Variants in SESTD1 observed in about 807,000 individuals in gnomAD.
SESTD1 encodes SEC14 and spectrin domain containing 1, also known as SEC14 domain and spectrin repeat-containing protein 1.
SESTD1 carries 43 observed loss-of-function variants against 101.7 expected under a neutral mutation model. That is an observed-to-expected ratio of 0.42 (90% CI 0.33 to 0.55). SESTD1 has a LOEUF of 0.55. Among genes scored for constraint, SESTD1 ranks in the 20% least tolerant of loss-of-function variants. SESTD1 has a pLI of 0.07. For missense variants in SESTD1, 647 were observed against 815.1 expected, an observed-to-expected ratio of 0.79 and a Z score of 2.51; for synonymous variants, 283 against 286.8, an observed-to-expected ratio of 0.99 and a Z score of 0.13.
chr2:179,146,891 C>T (rs886452378), intron 7 of SESTD1, among the ~76,000 whole-genome samples: 8 of 143,478 alleles, frequency 5.6e-5, no homozygotes, highest in African/African-American at 5.5e-5. Context: ...AATATTCTGT[C>T]TTATATTCCA....
chr2:179,166,672 A>G (rs1298771788), intron 5 of SESTD1, among the ~76,000 whole-genome samples: 1 of 152,192 alleles, frequency 6.6e-6, no homozygotes, highest in Non-Finnish European at 1.5e-5. Context: ...CTGAGAGTCA[A>G]CTGTATACAG....
At chr2:179,185,830 TAATATATAATATAGCATGTAC>T (rs1559134497) in intron 2 of SESTD1, among the ~76,000 whole-genome samples, 13 of 128,258 alleles carry the variant, frequency 1.0e-4, no homozygotes, top group Admixed American at 1.7e-4. Flanking sequence ...ATATTATATA[TAATATATAATATAGCATGTAC>T]AATATAGTAT....
intron 1 of SESTD1, among the ~76,000 whole-genome samples, chr2:179,253,869 A>C (rs1450622282): frequency 6.6e-6 from 1 of 152,052 alleles, no homozygotes; most frequent in Admixed American, 6.6e-5. Context: ...AGGCTGAAGC[A>C]AGCGGATCTG....
intron 10 of SESTD1, among the ~76,000 whole-genome samples, chr2:179,129,257 G>A (rs760630008): frequency 9.9e-5 from 15 of 152,144 alleles, no homozygotes; most frequent in Non-Finnish European, 1.6e-4. Flanking sequence ...TATGCTCCTC[G>A]ATGTTCCTAT....
chr2:179,115,639 C>T (rs1198560420), intron 15 of SESTD1, among the ~76,000 whole-genome samples: 1 of 151,930 alleles, frequency 6.6e-6, no homozygotes, highest in Admixed American at 6.6e-5. Context: ...TCCTAGCTAC[C>T]TTGGAGGCTG....
chr2:179,194,499 A>G lies in SESTD1; in HGVS notation c.-25-2633T>C, dbSNP rs535704513. Among the ~76,000 whole-genome samples the G allele has an allele frequency of 2.6e-5, 4 of 152,238 alleles. No homozygotes were observed. The South Asian group carries it at 8.3e-4, about 32-fold the overall frequency. On this transcript the variant is annotated intron_variant, in intron 1 of 17. Transcript: ENST00000428443. ...CTCTACCTCACTTGGCAGGACATGT[A>G]TATTATTTTTTACCACATATTGCAC...
chr2:179,216,412 C>A (rs2046721576), intron 1 of SESTD1, among the ~76,000 whole-genome samples: 1 of 134,642 alleles, frequency 7.4e-6, no homozygotes, highest in African/African-American at 3.0e-5. Flanking sequence ...ACCTAGGAAT[C>A]CAACTTACAA....
intron 13 of SESTD1, among the ~76,000 whole-genome samples, chr2:179,121,192 T>C (rs938566786): frequency 6.6e-6 from 1 of 152,230 alleles, no homozygotes; most frequent in African/African-American, 2.4e-5. Context: ...CATATAACCA[T>C]GCTAGATTGT....
intron 1 of SESTD1, among the ~76,000 whole-genome samples, chr2:179,217,650 A>T: frequency 6.6e-6 from 1 of 152,336 alleles, no homozygotes; most frequent in East Asian, 1.9e-4. Context: ...AAAGGATTAT[A>T]AATCATGGTA....
chr2:179,254,085 G>C (rs1417917048), intron 1 of SESTD1, among the ~76,000 whole-genome samples: 1 of 151,596 alleles, frequency 6.6e-6, no homozygotes, highest in Admixed American at 6.6e-5. Context: ...GGGTGGCAGA[G>C]TGAGACCTTG....
rs59103658 is a variant in SESTD1 at position 179,245,515 on chromosome 2, C to CAAAAA, written c.-26+18979_-26+18983dup. Among the ~76,000 whole-genome samples, 16 of 45,194 alleles carry CAAAAA rather than the reference C, an allele frequency of 3.5e-4. 2 individuals carry two copies. The highest frequency in any genetic ancestry group is 8.8e-4 in the African/African-American group (13 of 14,792). 29.6% of individuals were successfully genotyped at this position (45,194 alleles called of 152,430 possible). ...TGGGCGACAGAGTGAGACTCTGTCT[C>CAAAAA]AAAAAAAAAAAAAAAAAAAAAAAAA... On this transcript the variant is annotated intron_variant, in intron 1 of 17. Coordinates refer to ENST00000428443, the MANE Select transcript of SESTD1 (RefSeq NM_178123.5).
chr2:179,229,269 C>G (rs2046939311), intron 1 of SESTD1, among the ~76,000 whole-genome samples: 1 of 152,134 alleles, frequency 6.6e-6, no homozygotes, highest in South Asian at 2.1e-4. Context: ...AAGTGAGCAT[C>G]ATTCAACTTG....
At chr2:179,187,179 A>C (rs900169099) in intron 2 of SESTD1, among the ~76,000 whole-genome samples, 7 of 152,214 alleles carry the variant, frequency 4.6e-5, no homozygotes, top group African/African-American at 1.7e-4. Flanking sequence ...TACATAGCCC[A>C]CAGACCCTAT....
chr2:179,201,792 AG>A (rs2046519975), intron 1 of SESTD1, among the ~76,000 whole-genome samples: 1 of 126,038 alleles, frequency 7.9e-6, no homozygotes, highest in Non-Finnish European at 1.7e-5. Context: ...GGTAGGGGGG[AG>A]GGATAGCATT....
rs781714404 is a variant in SESTD1 at position 179,146,397 on chromosome 2, CT to C, written c.637+4del. On this transcript the variant is annotated splice_donor_region_variant and intron_variant, in intron 8 of 17. Transcript: ENST00000428443. ...TTATTATCACAAATATTTTTTAAATCTTACCTGTCTGAAGAACTGTTTCAGG... is the reference window on the plus strand; with the variant it reads ...TTATTATCACAAATATTTTTTAAATCTACCTGTCTGAAGAACTGTTTCAGG... 3 of 1,606,984 alleles carry C rather than the reference CT, an allele frequency of 1.9e-6. No homozygotes were observed. The African/African-American group carries it at 4.0e-5, about 22-fold the overall frequency.
chr2:179,132,264 C>A, intron 10 of SESTD1, 40 bp downstream of exon 10: 2 of 1,511,592 alleles, frequency 1.3e-6, no homozygotes, highest in South Asian at 2.7e-5. Context: ...TACCCACGTT[C>A]ATAATATCAT....
intron 9 of SESTD1, among the ~76,000 whole-genome samples, chr2:179,136,282 T>C (rs2045142777): frequency 6.6e-6 from 1 of 152,210 alleles, no homozygotes; most frequent in South Asian, 2.1e-4. Context: ...ATACTAATAA[T>C]TGTTAGCCTC....
intron 5 of SESTD1, among the ~76,000 whole-genome samples, chr2:179,166,496 G>T (rs1005261351): frequency 6.6e-6 from 1 of 152,190 alleles, no homozygotes; most frequent in Non-Finnish European, 1.5e-5. Context: ...GTAGACCCAG[G>T]AATATATTAT....
Position 179,185,743 on chromosome 2 carries a change from T to C in SESTD1, c.56-2555A>G, listed in dbSNP as rs1188228249. Among the ~76,000 whole-genome samples, 230 of 128,186 alleles carry C rather than the reference T, an allele frequency of 1.8e-3. 1 individual carries two copies. Among genetic ancestry groups the C allele is most frequent in the African/African-American group, 6.7e-3 (215 of 32,188 alleles). 84.1% of individuals were successfully genotyped at this position (128,186 alleles called of 152,430 possible). The stretch of plus-strand genomic sequence containing the variant: ...ATAGCATATTATATATAATATAATA[T>C]AGTATATTATATACAATATATAATA... On this transcript the variant is annotated intron_variant, in intron 2 of 17. Transcript: ENST00000428443.
Sources: allele counts gnomAD v4.1 joint callset (sites outside exome capture counted in the v4.1 genomes callset), GRCh38; gene constraint gnomAD v4.1.1; transcripts MANE v1.5; gene names NCBI Gene and HGNC (gene_info 2026-07-23, HGNC 2026-07-21).